MFN1: variants seen among roughly 807,000 people sequenced by gnomAD.
MFN1 encodes mitofusin 1.
MFN1 carries 65 observed loss-of-function variants against 92.4 expected under a neutral mutation model. The ratio of observed to expected loss-of-function variants is 0.70; its 90% CI spans 0.58 to 0.86. MFN1 has a LOEUF of 0.86. MFN1 is among the 40% of genes least tolerant of loss of function. The pLI, the probability that MFN1 is intolerant of heterozygous loss-of-function variation, is 0.00. For missense variants in MFN1, 781 were observed against 868.0 expected, an observed-to-expected ratio of 0.90 and a Z score of 1.26; for synonymous variants, 297 against 300.9, an observed-to-expected ratio of 0.99 and a Z score of 0.13.
At chr3:179,349,809 G>A (rs1712071710) in intron 2 of MFN1, among the ~76,000 whole-genome samples, 1 of 151,302 alleles carries the variant, frequency 6.6e-6, no homozygotes, top group Non-Finnish European at 1.5e-5. Flanking sequence ...ACCCGGCCAG[G>A]AATCCTTCTT....
chr3:179,389,636 ATAAAG>A (rs1226565353), intron 16 of MFN1, among the ~76,000 whole-genome samples: 4 of 152,168 alleles, frequency 2.6e-5, no homozygotes, highest in African/African-American at 7.2e-5. Context: ...AAATTTTGCT[ATAAAG>A]TATTTTTGCC....
Position 179,375,256 on chromosome 3 carries a change from G to T in MFN1, c.1012G>T (p.Glu338Ter). The change falls in exon 10 of 18, where the codon GAA (glutamate) becomes TAA (stop). Residue 338 changes from glutamate (E) to a stop codon, truncating the protein, a stop_gained. Transcript: ENST00000471841. LOFTEE classifies it high-confidence loss of function. Reference protein sequence around the residue: ...ISQSAVKTKFEQHTIRAKQIL... With the variant: ...ISQSAVKTKF ...GCAGTCAGCAGTGAAAACAAAGTTC[G>T]AACAGCACACTATCAGAGCTAAACA... 2 of 1,613,736 alleles carry T rather than the reference G, an allele frequency of 1.2e-6. No homozygotes were observed. Among genetic ancestry groups the T allele is most frequent in the South Asian group, 2.2e-5 (2 of 91,028 alleles).
At chr3:179,388,590 A>G (rs1713785924) in intron 16 of MFN1, among the ~76,000 whole-genome samples, 1 of 152,240 alleles carries the variant, frequency 6.6e-6, no homozygotes, top group Admixed American at 6.5e-5. Context: ...GGAAGAAACT[A>G]ACATTTACAT....
intron 17 of MFN1, 138 bp from the exon 18 acceptor site, chr3:179,391,843 C>T (rs943989656): frequency 1.0e-5 from 6 of 578,884 alleles, no homozygotes; most frequent in Middle Eastern, 7.4e-4. Flanking sequence ...TAGGATATCC[C>T]GTGTAAGGTA....
chr3:179,348,409 AT>A (rs1712005664), intron 1 of MFN1, among the ~76,000 whole-genome samples: 1 of 152,178 alleles, frequency 6.6e-6, no homozygotes, highest in Admixed American at 6.5e-5. Context: ...TCAGCCTCAC[AT>A]TGTGATCTTA....
chr3:179,368,094 A>G lies in MFN1; in HGVS notation c.966A>G (p.Gln322=), dbSNP rs1712876241. Residue 322 remains glutamine (Q), a synonymous_variant, in exon 9 of 18, where the codon CAA becomes CAG. Transcript: ENST00000471841. ...TACAGGAATTTCAGAATTTTGAACA[A>G]ATCTTTGAGGTAGGAATTTTGTGAT... is the stretch of plus-strand genomic sequence containing the variant. ...ARLQEFQNFE[Q]IFEECISQSA... is the part of the protein sequence containing the mutation. 5 of 1,564,622 alleles carry G rather than the reference A, an allele frequency of 3.2e-6. No individual in the cohort carries two copies. Among genetic ancestry groups the G allele is most frequent in the Non-Finnish European group, 4.3e-6 (5 of 1,153,042 alleles).
chr3:179,369,522 T>G (rs1712938717), intron 9 of MFN1, among the ~76,000 whole-genome samples: 2 of 152,236 alleles, frequency 1.3e-5, no homozygotes, highest in African/African-American at 4.8e-5. Flanking sequence ...ACATTTATAC[T>G]GCTTCCATAT....
chr3:179,365,650 A>G (rs1166667437), intron 7 of MFN1, among the ~76,000 whole-genome samples: 3 of 152,160 alleles, frequency 2.0e-5, no homozygotes, highest in African/African-American at 7.2e-5. Context: ...CCTTCCTCTT[A>G]CCTACCTCCT....
intron 10 of MFN1, 27 bp from the exon 11 acceptor site, chr3:179,377,015 C>T (rs769639747): frequency 1.6e-5 from 26 of 1,609,074 alleles, no homozygotes; most frequent in African/African-American, 1.3e-5. Context: ...CTACCCTGAA[C>T]GTTGATTACT....
At position 179,390,126 on chromosome 3, in the gene MFN1, C is replaced by T; in HGVS notation, c.2135C>T (p.Ser712Leu). ...IDQLEKIQNN[S>L]KLLRNKAVQL... ...CAGTTGGAGAAAATACAAAACAATT[C>T]AAAGCTCTTAAGGTATTTAAACCTT... Residue 712 changes from serine (S) to leucine (L), a missense_variant, in exon 17 of 18, where the codon TCA becomes TTA. Coordinates refer to ENST00000471841, the MANE Select transcript of MFN1 (RefSeq NM_033540.3). The T allele has an allele frequency of 6.3e-7, 1 of 1,588,476 alleles. No homozygotes were observed. The highest frequency in any genetic ancestry group is 8.5e-7 in the Non-Finnish European group (1 of 1,171,412).
At chr3:179,357,910 T>G (rs1220985242) in intron 3 of MFN1, among the ~76,000 whole-genome samples, 1 of 152,116 alleles carries the variant, frequency 6.6e-6, no homozygotes, top group African/African-American at 2.4e-5. Context: ...GAAATGATCT[T>G]AAATCTTCAC....
At chr3:179,358,369 T>C (rs1208961699) in intron 3 of MFN1, among the ~76,000 whole-genome samples, 1 of 152,074 alleles carries the variant, frequency 6.6e-6, no homozygotes, top group Non-Finnish European at 1.5e-5. Flanking sequence ...GTCAGGCTGG[T>C]CCCGAACTCC....
chr3:179,364,318 A>G lies in MFN1; in HGVS notation c.558A>G (p.Thr186=). ...TTAGTCCAGGCACAGATGTCACTAC[A>G]GAGCTGGATAGCTGGATTGATAAGT... ...LVDSPGTDVT[T]ELDSWIDKFC... The change falls in exon 6 of 18, where the codon ACA becomes ACG. Residue 186 remains threonine, a synonymous_variant. Coordinates refer to ENST00000471841, the MANE Select transcript of MFN1 (RefSeq NM_033540.3). 1 of 1,613,496 alleles carries G rather than the reference A, an allele frequency of 6.2e-7. No homozygotes were observed. Among genetic ancestry groups the G allele is most frequent in the Non-Finnish European group, 8.5e-7 (1 of 1,179,678 alleles).
In MFN1 at chr3:179,393,417, C is replaced by CG. The variant is rs900472347; in HGVS notation, c.*1358_*1359insG. ...TTCATGGGAGGGATAAAATTTAAAG[C>CG]TTTTTTTTTCTTTGAATACAGTCCT... On this transcript the variant is annotated 3_prime_UTR_variant, in exon 18 of 18. Transcript: ENST00000471841. The CG allele has an allele frequency of 1.3e-5, 2 of 150,364 alleles. No individual in the cohort carries two copies. Among genetic ancestry groups the CG allele is most frequent in the Non-Finnish European group, 3.0e-5 (2 of 67,470 alleles). 9.3% of individuals were successfully genotyped at this position (150,364 alleles called of 1,614,324 possible). A position where few individuals can be genotyped will look rare whatever the true frequency, so the allele number is the denominator to read the frequency against.
At chr3:179,389,157 T>C (rs1422508448) in intron 16 of MFN1, among the ~76,000 whole-genome samples, 1 of 152,252 alleles carries the variant, frequency 6.6e-6, no homozygotes, top group Non-Finnish European at 1.5e-5. Flanking sequence ...TATTCATTCA[T>C]TCATTGACCA....
At chr3:179,375,078 A>C (rs1044717468) in intron 9 of MFN1, 142 bp from the exon 10 acceptor site, 1 of 920,902 alleles carries the variant, frequency 1.1e-6, no homozygotes, top group African/African-American at 1.7e-5. Flanking sequence ...TTGTAATTTT[A>C]AGTTGTGCTT....
intron 3 of MFN1, among the ~76,000 whole-genome samples, chr3:179,353,723 A>C (rs1384093708): frequency 6.6e-6 from 1 of 152,180 alleles, no homozygotes; most frequent in Non-Finnish European, 1.5e-5. Flanking sequence ...TAGCTCCATA[A>C]CTGGTTATTC....
At chr3:179,391,730 G>A (rs1209349455) in intron 17 of MFN1, among the ~76,000 whole-genome samples, 5 of 152,110 alleles carry the variant, frequency 3.3e-5, no homozygotes, top group South Asian at 2.1e-4. Context: ...TGCCATTGCC[G>A]CTGTAACATC....
intron 16 of MFN1, among the ~76,000 whole-genome samples, chr3:179,387,017 G>A (rs1308946580): frequency 1.3e-5 from 2 of 152,034 alleles, no homozygotes; most frequent in African/African-American, 4.8e-5. Flanking sequence ...TTGGGCTCAA[G>A]TGATCTTACT....
Sources: allele counts gnomAD v4.1 joint callset (sites outside exome capture counted in the v4.1 genomes callset), GRCh38; gene constraint gnomAD v4.1.1; transcripts MANE v1.5; gene names NCBI Gene and HGNC (gene_info 2026-07-23, HGNC 2026-07-21).